The following SPAG6 variants were observed in gnomAD, a reference collection of about 807,000 sequenced individuals.
SPAG6 encodes the protein sperm-associated antigen 6.
In SPAG6, 49 loss-of-function variants were observed where a neutral mutation model predicts 58.5. The observed-to-expected ratio is 0.84, with a 90% CI of 0.67 to 1.06. The LOEUF (loss-of-function observed/expected upper bound fraction) is 1.06. SPAG6 is among the 50% of genes least tolerant of loss of function. SPAG6 has a pLI of 0.00. For synonymous variants in SPAG6, 233 were observed against 225.6 expected, an observed-to-expected ratio of 1.03 and a Z score of -0.29; for missense variants, 560 against 611.3, an observed-to-expected ratio of 0.92 and a Z score of 0.89.
intron 2 of SPAG6, among the ~76,000 whole-genome samples, chr10:22,347,914 T>A (rs1836612249): frequency 1.3e-5 from 2 of 152,236 alleles, no homozygotes; most frequent in Non-Finnish European, 2.9e-5. Context: ...CCTTTAGCAA[T>A]TTTAAATACA....
intron 8 of SPAG6, among the ~76,000 whole-genome samples, chr10:22,392,592 A>G (rs1242562498): frequency 6.6e-6 from 1 of 152,168 alleles, no homozygotes; most frequent in Non-Finnish European, 1.5e-5. Context: ...CCTATTAGGA[A>G]AACTTGTAAG....
At chr10:22,371,949 G>C (rs1222132127) in intron 4 of SPAG6, among the ~76,000 whole-genome samples, 1 of 152,034 alleles carries the variant, frequency 6.6e-6, no homozygotes, top group Admixed American at 6.5e-5. Context: ...ATATCATTAA[G>C]TTTTATGATT....
chr10:22,412,590 G>A, intron 10 of SPAG6: 1 of 832,974 alleles, frequency 1.2e-6, no homozygotes, highest in African/African-American at 1.7e-5. Flanking sequence ...TGTATAATTA[G>A]TCTACATATA....
intron 9 of SPAG6, among the ~76,000 whole-genome samples, chr10:22,408,999 G>A (rs1008393959): frequency 2.0e-5 from 3 of 152,096 alleles, no homozygotes; most frequent in African/African-American, 4.8e-5. Flanking sequence ...TTCGGCTCGC[G>A]CACCCACTGA....
intron 3 of SPAG6, among the ~76,000 whole-genome samples, chr10:22,365,556 G>T (rs958162180): frequency 6.6e-6 from 1 of 151,948 alleles, no homozygotes. Context: ...CTCCTATCTG[G>T]TACCACTTTC....
chr10:22,416,725 G>A lies in SPAG6; in HGVS notation c.*37G>A, dbSNP rs546274612. The A allele has an allele frequency of 1.7e-4, 207 of 1,189,802 alleles. 2 individuals are homozygous for A. In the South Asian group the frequency reaches 2.5e-3, roughly 14 times the overall value. 73.7% of individuals were successfully genotyped at this position (1,189,802 alleles called of 1,614,324 possible). ...TTGTGATACTCAAATTCACAGCAGA[G>A]TAGTTTTGAGTAACAGTAATTAAAT... On this transcript the variant is annotated 3_prime_UTR_variant, in exon 11 of 11. Transcript: ENST00000376624.
At chr10:22,360,196 T>A (rs1836994053) in intron 2 of SPAG6, among the ~76,000 whole-genome samples, 1 of 152,170 alleles carries the variant, frequency 6.6e-6, no homozygotes, top group Admixed American at 6.5e-5. Context: ...ACTTAAGTCA[T>A]ATATGTATCC....
Position 22,411,150 on chromosome 10 carries a change from C to T in SPAG6, c.1434C>T (p.Asn478=). ...SLLQEYINSI[N]SCYPEEIVRY... is the part of the protein sequence containing the mutation. The stretch of plus-strand genomic sequence containing the variant: ...TTCAAGAATACATCAACAGTATTAA[C>T]AGTTGTTACCCCGAGGAAATAGTGA... The change falls in exon 10 of 11, where the codon AAC becomes AAT. Residue 478 remains asparagine (N), a synonymous_variant. Transcript: ENST00000376624. 1.2e-6 allele frequency: 2 copies of T among 1,612,294 alleles called. No homozygotes were observed. The highest frequency in any genetic ancestry group is 1.7e-6 in the Non-Finnish European group (2 of 1,179,414).
intron 2 of SPAG6, among the ~76,000 whole-genome samples, chr10:22,357,209 T>C (rs1836893188): frequency 6.6e-6 from 1 of 152,166 alleles, no homozygotes; most frequent in Non-Finnish European, 1.5e-5. Flanking sequence ...CTTTCCCCTG[T>C]GTTGCCTCCC....
chr10:22,368,904 AG>A (rs1482375387), intron 4 of SPAG6, among the ~76,000 whole-genome samples: 1 of 152,024 alleles, frequency 6.6e-6, no homozygotes, highest in Non-Finnish European at 1.5e-5. Flanking sequence ...AAATTTGAAG[AG>A]GTGGAGAAAA....
chr10:22,395,813 C>T (rs1465926603), intron 8 of SPAG6, among the ~76,000 whole-genome samples: 1 of 152,140 alleles, frequency 6.6e-6, no homozygotes, highest in Non-Finnish European at 1.5e-5. Flanking sequence ...TCCTATGTTC[C>T]TCTTCATTTT....
At chr10:22,376,824 C>G (rs1335185762) in intron 4 of SPAG6, among the ~76,000 whole-genome samples, 9 of 151,946 alleles carry the variant, frequency 5.9e-5, no homozygotes, top group Non-Finnish European at 1.2e-4. Flanking sequence ...GTGTCTTATG[C>G]CTATAGTCCC....
intron 4 of SPAG6, among the ~76,000 whole-genome samples, chr10:22,380,440 G>A (rs1163974368): frequency 6.6e-6 from 1 of 152,010 alleles, no homozygotes; most frequent in Non-Finnish European, 1.5e-5. Flanking sequence ...AGTAGCTACA[G>A]GTGCTTGCCA....
Position 22,346,040 on chromosome 10 carries a change from C to A in SPAG6, c.121+222C>A, listed in dbSNP as rs1039986324. The stretch of plus-strand genomic sequence containing the variant: ...GTTGTCCCTGTTTCCATCTTCATTG[C>A]ACACAGGCAAGTGTCAGGTTGAAAG... On this transcript the variant is annotated intron_variant, in intron 2 of 10. Transcript: ENST00000376624. 4.5e-6 allele frequency: 7 copies of A among 1,539,476 alleles called. No homozygotes were observed. The East Asian group carries it at 1.5e-4, about 33-fold the overall frequency.
At chr10:22,389,387 C>A in intron 7 of SPAG6, 75 bp downstream of exon 7, 3 of 1,468,514 alleles carry the variant, frequency 2.0e-6, no homozygotes, top group Non-Finnish European at 1.9e-6. Context: ...TGTTCTCCAA[C>A]AGAATACAAA....
chr10:22,374,722 G>A (rs1347794452), intron 4 of SPAG6, among the ~76,000 whole-genome samples: 1 of 151,912 alleles, frequency 6.6e-6, no homozygotes, highest in African/African-American at 2.4e-5. Flanking sequence ...GCTGCAGTGA[G>A]CTATGATTGT....
chr10:22,410,936 T>C, intron 9 of SPAG6, 95 bp from the exon 10 acceptor site: 1 of 1,302,242 alleles, frequency 7.7e-7, no homozygotes. Flanking sequence ...GTATAAATTC[T>C]CTTTTACATT....
chr10:22,401,613 T>C (rs1322121110), intron 9 of SPAG6, among the ~76,000 whole-genome samples: 1 of 152,180 alleles, frequency 6.6e-6, no homozygotes, highest in Non-Finnish European at 1.5e-5. Context: ...ATGGCAAAGA[T>C]CATAAAGAGA....
intron 4 of SPAG6, among the ~76,000 whole-genome samples, chr10:22,380,583 A>G (rs867874644): frequency 7.2e-5 from 11 of 152,114 alleles, no homozygotes; most frequent in African/African-American, 2.7e-4. Context: ...CTAGGATTAC[A>G]GGCATGAGCC....
Sources: allele counts gnomAD v4.1 joint callset (sites outside exome capture counted in the v4.1 genomes callset), GRCh38; gene constraint gnomAD v4.1.1; transcripts MANE v1.5; gene names NCBI Gene and HGNC (gene_info 2026-07-23, HGNC 2026-07-21).